The following ADCY2 variants were observed in gnomAD, a reference collection of about 807,000 sequenced individuals.
ADCY2 encodes adenylate cyclase type 2.
Under a neutral mutation model 125.2 loss-of-function variants are expected in ADCY2, and 31 were observed. That is an observed-to-expected ratio of 0.25 (90% CI 0.19 to 0.33). The LOEUF is 0.33. Among genes scored for constraint, ADCY2 ranks in the 10% least tolerant of loss-of-function variants. ADCY2 has a pLI of 1.00. For synonymous variants in ADCY2, 512 were observed against 548.4 expected, an observed-to-expected ratio of 0.93 and a Z score of 0.93; for missense variants, 904 against 1,418.2, an observed-to-expected ratio of 0.64 and a Z score of 5.82.
intron 2 of ADCY2, among the ~76,000 whole-genome samples, chr5:7,516,658 C>T (rs1561069241): frequency 6.6e-6 from 1 of 152,184 alleles, no homozygotes. Context: ...AATTATATTA[C>T]ATGCCCAGAA....
intron 2 of ADCY2, among the ~76,000 whole-genome samples, chr5:7,436,956 C>T (rs535016017): frequency 6.5e-4 from 99 of 152,284 alleles, no homozygotes; most frequent in Middle Eastern, 3.4e-3. Flanking sequence ...GCTCCACCTT[C>T]ACAAGGGGCT....
intron 6 of ADCY2, among the ~76,000 whole-genome samples, chr5:7,697,989 T>C (rs984276705): frequency 3.9e-5 from 6 of 152,200 alleles, no homozygotes; most frequent in African/African-American, 9.7e-5. Context: ...TTCTATGAAG[T>C]GTAAATCATT....
At chr5:7,440,822 G>C (rs1740986903) in intron 2 of ADCY2, among the ~76,000 whole-genome samples, 1 of 151,968 alleles carries the variant, frequency 6.6e-6, no homozygotes, top group Non-Finnish European at 1.5e-5. Context: ...GCCAGAAAAA[G>C]AGCAGTGTGG....
At chr5:7,611,824 T>A (rs1274108739) in intron 3 of ADCY2, among the ~76,000 whole-genome samples, 1 of 152,206 alleles carries the variant, frequency 6.6e-6, no homozygotes, top group Non-Finnish European at 1.5e-5. Context: ...AGTGTGTAAT[T>A]TTTTATAAAT....
At chr5:7,558,121 C>T (rs563433043) in intron 3 of ADCY2, among the ~76,000 whole-genome samples, 23 of 151,864 alleles carry the variant, frequency 1.5e-4, no homozygotes, top group Admixed American at 3.3e-4. Flanking sequence ...GGCACAATCT[C>T]GGCTCACTGC....
chr5:7,736,005 C>T, intron 14 of ADCY2, among the ~76,000 whole-genome samples: 1 of 152,152 alleles, frequency 6.6e-6, no homozygotes, highest in East Asian at 1.9e-4. Flanking sequence ...TGAGATCAGC[C>T]TGGACAACAT....
Position 7,634,502 on chromosome 5 carries a change from C to T in ADCY2, c.720+8186C>T, listed in dbSNP as rs1738426639. On this transcript the variant is annotated intron_variant, in intron 4 of 24. Transcript: ENST00000338316. ...GTGTTACTGGATGTGACAATTCCCC[C>T]CAAAGACTAACGTTGTCATAAATGT... is the stretch of plus-strand genomic sequence containing the variant. Among the ~76,000 whole-genome samples, 4 of 152,074 alleles carry T rather than the reference C, an allele frequency of 2.6e-5. No homozygotes were observed. The South Asian group carries it at 6.2e-4, about 24-fold the overall frequency.
chr5:7,706,988 T>C, intron 8 of ADCY2, 86 bp downstream of exon 8: 16 of 1,522,546 alleles, frequency 1.1e-5, no homozygotes, highest in Non-Finnish European at 1.4e-5. Flanking sequence ...GAGTGCTCAG[T>C]TTTTGATCAC....
chr5:7,615,272 C>T (rs1189302383), intron 3 of ADCY2, among the ~76,000 whole-genome samples: 5 of 152,174 alleles, frequency 3.3e-5, no homozygotes, highest in Admixed American at 6.5e-5. Flanking sequence ...CTCCCCTTGC[C>T]TCCTCAGATC....
At chr5:7,637,365 G>A (rs1579262356) in intron 4 of ADCY2, among the ~76,000 whole-genome samples, 1 of 150,870 alleles carries the variant, frequency 6.6e-6, no homozygotes, top group East Asian at 2.0e-4. Flanking sequence ...AGGAGGCGGA[G>A]GTTGCAGTGA....
At chr5:7,642,892 A>G (rs1738757768) in intron 4 of ADCY2, among the ~76,000 whole-genome samples, 1 of 152,122 alleles carries the variant, frequency 6.6e-6, no homozygotes, top group African/African-American at 2.4e-5. Context: ...TATTTTCCAG[A>G]CAAGCAGGCA....
At chr5:7,757,135 A>G (rs1209450776) in intron 15 of ADCY2, among the ~76,000 whole-genome samples, 1 of 152,240 alleles carries the variant, frequency 6.6e-6, no homozygotes, top group East Asian at 1.9e-4. Flanking sequence ...CCCCAGGGTG[A>G]TTTAATTAAC....
chr5:7,826,423 G>C (rs545673276), intron 24 of ADCY2, among the ~76,000 whole-genome samples: 171 of 152,284 alleles, frequency 1.1e-3, no homozygotes, highest in Non-Finnish European at 2.0e-3. Flanking sequence ...TTTTCTGGGT[G>C]AAATGGTTTG....
intron 11 of ADCY2, among the ~76,000 whole-genome samples, chr5:7,714,664 G>T (rs114592546): frequency 6.6e-6 from 1 of 152,226 alleles, no homozygotes; most frequent in Admixed American, 6.5e-5. Flanking sequence ...AGGCTTGCCT[G>T]CTTTAGTAAA....
At chr5:7,453,683 A>T (rs915378922) in intron 2 of ADCY2, among the ~76,000 whole-genome samples, 3 of 152,070 alleles carry the variant, frequency 2.0e-5, no homozygotes, top group Admixed American at 2.0e-4. Flanking sequence ...TGACTTTTCG[A>T]CTTGGGGAAG....
intron 7 of ADCY2, among the ~76,000 whole-genome samples, chr5:7,706,054 A>C (rs907880323): frequency 6.6e-6 from 1 of 152,204 alleles, no homozygotes; most frequent in East Asian, 1.9e-4. Context: ...CTTCCTGTAT[A>C]CTTGTTTTGC....
chr5:7,771,781 C>T (rs1190597028), intron 17 of ADCY2, among the ~76,000 whole-genome samples: 1 of 152,130 alleles, frequency 6.6e-6, no homozygotes, highest in African/African-American at 2.4e-5. Context: ...GCAGTTCTTA[C>T]CAGGCTTACT....
intron 4 of ADCY2, among the ~76,000 whole-genome samples, chr5:7,688,254 A>G (rs1740588515): frequency 6.8e-6 from 1 of 146,228 alleles, no homozygotes. Flanking sequence ...GACCAGAGAG[A>G]TCTCCTGATT....
Position 7,709,969 on chromosome 5 carries a change from C to A in ADCY2, c.1578+582C>A, listed in dbSNP as rs73049805. Reference sequence around the variant, plus strand: ...AGGAGGAGAGAAAAGTAAATACAACCAAGCACTTAGGATAATCCCCATAGT... The same window carrying A: ...AGGAGGAGAGAAAAGTAAATACAACAAAGCACTTAGGATAATCCCCATAGT... On this transcript the variant is annotated intron_variant, in intron 10 of 24. Coordinates refer to ENST00000338316, the MANE Select transcript of ADCY2 (RefSeq NM_020546.3). The surrounding 1 kb of genome is among the most constrained non-coding windows in gnomAD (Gnocchi z 4.4). 0.044 allele frequency among the ~76,000 whole-genome samples: 6,766 copies of A among 152,296 alleles called. 504 individuals carry two copies. Among genetic ancestry groups the A allele is most frequent in the African/African-American group, 0.15 (6,396 of 41,556 alleles).
Sources: allele counts gnomAD v4.1 joint callset (sites outside exome capture counted in the v4.1 genomes callset), GRCh38; gene constraint gnomAD v4.1.1; non-coding constraint Gnocchi (gnomAD v3.1); transcripts MANE v1.5; gene names NCBI Gene and HGNC (gene_info 2026-07-23, HGNC 2026-07-21).